Variants in PMPCB observed in about 807,000 individuals in gnomAD.
PMPCB encodes the protein mitochondrial-processing peptidase subunit beta.
PMPCB carries 46 observed loss-of-function variants against 61.5 expected under a neutral mutation model. The ratio of observed to expected loss-of-function variants is 0.75; its 90% CI spans 0.59 to 0.96. PMPCB has a LOEUF of 0.96. Among genes scored for constraint, PMPCB ranks in the 40% least tolerant of loss-of-function variants. The pLI is 0.00. For synonymous variants in PMPCB, 191 were observed against 201.6 expected (o/e 0.95, Z 0.44); for missense variants, 590 against 602.4 (o/e 0.98, Z 0.22).
Position 103,299,443 on chromosome 7 carries a change from G to T in PMPCB, c.241G>T (p.Val81Phe), listed in dbSNP as rs1817386727. Residue 81 changes from valine (V) to phenylalanine (F), a missense_variant and splice_region_variant, in exon 3 of 13, where the codon GTT becomes TTT. Coordinates refer to ENST00000249269, the MANE Select transcript of PMPCB (RefSeq NM_004279.3). ...SEDSGLSTCT[V>F]GLWIDAGSRY... ...TTAATTGTTCTTTGATTGCATTAAG[G>T]TTGGACTCTGGATTGATGCTGGAAG... is the stretch of plus-strand genomic sequence containing the variant. The T allele has an allele frequency of 6.3e-7, 1 of 1,585,256 alleles. No individual in the cohort carries two copies. Among genetic ancestry groups the T allele is most frequent in the Non-Finnish European group, 8.7e-7 (1 of 1,154,948 alleles).
In PMPCB at chr7:103,313,410, A is replaced by T; in HGVS notation, c.*1139A>T. On this transcript the variant is annotated 3_prime_UTR_variant, in exon 13 of 13. Coordinates refer to ENST00000249269, the MANE Select transcript of PMPCB (RefSeq NM_004279.3). ...CCAGACTGGTAAAAAGCCATATTTA[A>T]ATTTATAGTACTGTTGGACTCTTGG... 1 of 984,062 alleles carries T rather than the reference A, an allele frequency of 1.0e-6. No homozygotes were observed. The highest frequency in any genetic ancestry group is 1.2e-6 in the Non-Finnish European group (1 of 828,650). The allele number at this position is 984,062 out of a possible 1,614,324, so 61.0% of individuals were successfully genotyped here.
At chr7:103,341,454 TG>T in the PMPCB span, among the ~76,000 whole-genome samples, 3 of 152,232 alleles carry the variant, frequency 2.0e-5, no homozygotes, top group Admixed American at 6.5e-5. Context: ...TTTACTCCTT[TG>T]TGTCTTTGTA....
At chr7:103,331,599 T>A (rs1216728569), downstream of PMPCB, among the ~76,000 whole-genome samples, 4 of 152,202 alleles carry the variant, frequency 2.6e-5, no homozygotes, top group Non-Finnish European at 5.9e-5. Flanking sequence ...TTCTCAAGAG[T>A]GAGAACATGC....
downstream of PMPCB, chr7:103,316,645 T>A (rs974193964): frequency 3.3e-6 from 2 of 599,916 alleles, no homozygotes; most frequent in Admixed American, 3.0e-5. Context: ...TATATGTGCA[T>A]GTGTACTGAT....
chr7:103,324,617 TCAA>T lies in PMPCB; in HGVS notation c.*1432-4310_*1432-4308del, dbSNP rs1318099974. 6 of 1,299,674 alleles carry T rather than the reference TCAA, an allele frequency of 4.6e-6. No individual in the cohort carries two copies. The East Asian group carries it at 1.4e-4, about 30-fold the overall frequency. 80.5% of individuals were successfully genotyped at this position (1,299,674 alleles called of 1,614,324 possible). ...TTCTTCAAAAATTATGTACAACAGT[TCAA>T]CAAACAATTTAATTTATTAAAAACA... On this transcript the variant is annotated intron_variant and NMD_transcript_variant, in intron 12 of 12. Coordinates refer to the PMPCB transcript ENST00000444457.
chr7:103,314,458 C>T lies in PMPCB; in HGVS notation c.*2187C>T, dbSNP rs1204078458. The T allele has an allele frequency of 3.5e-5, 34 of 985,252 alleles. No individual in the cohort carries two copies. The highest frequency in any genetic ancestry group is 4.0e-5 in the Non-Finnish European group (33 of 829,912). 61.0% of individuals were successfully genotyped at this position (985,252 alleles called of 1,614,324 possible). On this transcript the variant is annotated 3_prime_UTR_variant, in exon 13 of 13. Coordinates refer to ENST00000249269, the MANE Select transcript of PMPCB (RefSeq NM_004279.3). ...GTCACTCTTGCCTTCACAGGGTCAC[C>T]TCTCCTCACAGAAAGCAGACTGGAC...
chr7:103,298,244 T>TC (rs1817347808), intron 1 of PMPCB, among the ~76,000 whole-genome samples: 1 of 152,082 alleles, frequency 6.6e-6, no homozygotes. Flanking sequence ...TTTTTTTTTT[T>TC]CCTGCTTGTT....
intron 12 of PMPCB, chr7:103,322,399 C>T: frequency 9.0e-7 from 1 of 1,116,374 alleles, no homozygotes; most frequent in Non-Finnish European, 1.2e-6. Context: ...CAGTAGCACC[C>T]AATTCTCTGC....
Position 103,314,222 on chromosome 7 carries a change from A to AGAT in PMPCB, c.*1953_*1955dup. ...GATTTTATTTCCTCTCTTGGAAAAA[A>AGAT]GATGGAAGTGACATGGCAGTATTTC... On this transcript the variant is annotated 3_prime_UTR_variant, in exon 13 of 13. Transcript: ENST00000249269. 1 of 985,352 alleles carries AGAT rather than the reference A, an allele frequency of 1.0e-6. No homozygotes were observed. Among genetic ancestry groups the AGAT allele is most frequent in the Non-Finnish European group, 1.2e-6 (1 of 829,872 alleles). 61.0% of individuals were successfully genotyped at this position (985,352 alleles called of 1,614,324 possible).
chr7:103,341,785 T>C, the PMPCB span: 2 of 1,587,970 alleles, frequency 1.3e-6, no homozygotes, highest in Admixed American at 3.6e-5. Context: ...TGGGATCAAG[T>C]GTTTTCAGCA....
the PMPCB span, among the ~76,000 whole-genome samples, chr7:103,342,687 A>C: frequency 3.8e-3 from 555 of 144,588 alleles, 4 homozygotes; most frequent in African/African-American, 0.014. Flanking sequence ...TGGCTCACTG[A>C]AAGCTCCGCC....
exon 13 of PMPCB, chr7:103,329,446 GT>G (rs1818875822): frequency 6.6e-6 from 1 of 152,188 alleles, no homozygotes; most frequent in East Asian, 1.9e-4. Context: ...ATTTTTCCCC[GT>G]TTTGTTAACA....
At chr7:103,319,828 G>A in intron 12 of PMPCB, 1 of 1,614,060 alleles carries the variant, frequency 6.2e-7, no homozygotes, top group Non-Finnish European at 8.5e-7. Context: ...CTCATTATCA[G>A]AAAAATGATT....
chr7:103,343,773 G>A, the PMPCB span, among the ~76,000 whole-genome samples: 1 of 152,206 alleles, frequency 6.6e-6, no homozygotes, highest in South Asian at 2.1e-4. Context: ...GGTACTACCT[G>A]TGTAGTATGG....
At chr7:103,333,496 G>C (rs187102070), downstream of PMPCB, among the ~76,000 whole-genome samples, 28 of 152,308 alleles carry the variant, frequency 1.8e-4, no homozygotes, top group Admixed American at 8.5e-4. Flanking sequence ...ATATCTGTCT[G>C]ATTCAGCGGA....
chr7:103,347,085 A>C, the PMPCB span, among the ~76,000 whole-genome samples: 1 of 152,264 alleles, frequency 6.6e-6, no homozygotes, highest in Non-Finnish European at 1.5e-5. Context: ...TGTTTCCCAC[A>C]GCAGTTGCAC....
At chr7:103,344,645 T>G in the PMPCB span, 1 of 1,605,032 alleles carries the variant, frequency 6.2e-7, no homozygotes, top group East Asian at 2.2e-5. Context: ...TCTAGCCCGG[T>G]GGGCGCAGCG....
intron 12 of PMPCB, among the ~76,000 whole-genome samples, chr7:103,321,763 C>T (rs1467164110): frequency 1.3e-5 from 2 of 152,066 alleles, no homozygotes; most frequent in South Asian, 2.1e-4. Context: ...GCAGGAGAAT[C>T]GCTCGAACCC....
intron 12 of PMPCB, chr7:103,326,792 T>G (rs546848610): frequency 8.6e-7 from 1 of 1,167,394 alleles, no homozygotes; most frequent in African/African-American, 1.6e-5. Flanking sequence ...ATTTTCATAT[T>G]TGAAAATTTT....
Sources: allele counts gnomAD v4.1 joint callset (sites outside exome capture counted in the v4.1 genomes callset), GRCh38; gene constraint gnomAD v4.1.1; transcripts MANE v1.5; gene names NCBI Gene and HGNC (gene_info 2026-07-23, HGNC 2026-07-21).